The following MPPED1 variants were observed in gnomAD, a reference collection of about 807,000 sequenced individuals.
MPPED1 encodes metallophosphoesterase domain containing 1, also known as metallophosphoesterase domain-containing protein 1.
A neutral mutation model predicts 36.2 loss-of-function variants in MPPED1; 16 were observed. The observed-to-expected ratio is 0.44, with a 90% CI of 0.30 to 0.67. The LOEUF (loss-of-function observed/expected upper bound fraction) is 0.67. MPPED1 is among the 30% of genes least tolerant of loss of function. The pLI, the probability that MPPED1 is intolerant of heterozygous loss-of-function variation, is 0.10. For synonymous variants in MPPED1, 199 were observed against 191.3 expected (o/e 1.04, Z -0.33); for missense variants, 307 against 453.4 (o/e 0.68, Z 2.93).
chr22:43,500,188 TGATGGAGGTGGTAATGGAGGTGGTGGG>T lies in MPPED1; in HGVS notation c.748+1840_748+1866del, dbSNP rs1569091677. ...ATGGTGATGGAGGTGGTGGTGATGG[TGATGGAGGTGGTAATGGAGGTGGTGGG>T]GGTGATGGTGGAGGTGGTGATGGAG... On this transcript the variant is annotated intron_variant, in intron 5 of 6. Coordinates refer to ENST00000443721, the MANE Select transcript of MPPED1 (RefSeq NM_001044370.2). 3.8e-3 allele frequency among the ~76,000 whole-genome samples: 235 copies of T among 61,778 alleles called. 31 individuals are homozygous for T. The highest frequency in any genetic ancestry group is 0.02 in the African/African-American group (219 of 10,762). The allele number at this position is 61,778 out of a possible 152,430, so 40.5% of individuals were successfully genotyped here. A position where few individuals can be genotyped will look rare whatever the true frequency, so the allele number is the denominator to read the frequency against.
At chr22:43,481,074 C>A (rs141841892) in intron 4 of MPPED1, among the ~76,000 whole-genome samples, 7 of 152,142 alleles carry the variant, frequency 4.6e-5, no homozygotes, top group African/African-American at 1.7e-4. Context: ...CCACCTGCCT[C>A]GGCCTCCCAG....
At chr22:43,469,569 G>A (rs994803593) in intron 3 of MPPED1, among the ~76,000 whole-genome samples, 7 of 152,128 alleles carry the variant, frequency 4.6e-5, no homozygotes, top group Admixed American at 4.6e-4. Context: ...GACTCCTCCT[G>A]CCCACTCCGT....
chr22:43,421,431 T>G (rs1380399469), intron 1 of MPPED1, among the ~76,000 whole-genome samples: 1 of 152,248 alleles, frequency 6.6e-6, no homozygotes, highest in East Asian at 1.9e-4. Context: ...GTCCCTTTGG[T>G]GCAGAGCGGT....
intron 4 of MPPED1, among the ~76,000 whole-genome samples, chr22:43,491,112 C>CT (rs1256163781): frequency 3.3e-5 from 5 of 152,228 alleles, no homozygotes; most frequent in Middle Eastern, 3.4e-3. Context: ...GTTTTCTATT[C>CT]TTTTTTTAAA....
chr22:43,481,114 T>C (rs1931735568), intron 4 of MPPED1, among the ~76,000 whole-genome samples: 1 of 152,200 alleles, frequency 6.6e-6, no homozygotes, highest in African/African-American at 2.4e-5. Flanking sequence ...TGAGCCACCT[T>C]GCCTGGCCCT....
chr22:43,429,490 C>T (rs907033274), intron 2 of MPPED1, among the ~76,000 whole-genome samples: 2 of 152,232 alleles, frequency 1.3e-5, no homozygotes, highest in African/African-American at 4.8e-5. Context: ...CCTCTGATCC[C>T]AGCTTTTTGC....
intron 3 of MPPED1, among the ~76,000 whole-genome samples, chr22:43,471,454 C>G (rs778334749): frequency 2.0e-5 from 3 of 152,198 alleles, no homozygotes; most frequent in African/African-American, 7.2e-5. Context: ...ACCAGCGTCC[C>G]CCTCCACAGC....
In MPPED1 at chr22:43,478,086, A is replaced by G. The variant is rs564422012; in HGVS notation, c.632+3125A>G. ...CAATTACCCCATTTTACAGAAGGGC[A>G]GGTAGAGGTTCAGGCAGGGATGTGG... On this transcript the variant is annotated intron_variant, in intron 4 of 6. Coordinates refer to ENST00000443721, the MANE Select transcript of MPPED1 (RefSeq NM_001044370.2). 3.3e-4 allele frequency among the ~76,000 whole-genome samples: 50 copies of G among 152,376 alleles called. 1 individual carries two copies. Among genetic ancestry groups the G allele is most frequent in the African/African-American group, 1.2e-3 (49 of 41,594 alleles).
intron 2 of MPPED1, among the ~76,000 whole-genome samples, chr22:43,429,957 C>T (rs1307796886): frequency 6.6e-6 from 1 of 152,118 alleles, no homozygotes; most frequent in Non-Finnish European, 1.5e-5. Flanking sequence ...GGTACTGTGG[C>T]CAGGGTCCCC....
chr22:43,505,838 G>A lies in MPPED1; in HGVS notation c.*222G>A, dbSNP rs896700652. 5 of 535,510 alleles carry A rather than the reference G, an allele frequency of 9.3e-6. No individual in the cohort carries two copies. The highest frequency in any genetic ancestry group is 3.8e-5 in the African/African-American group (2 of 52,552). 33.2% of individuals were successfully genotyped at this position (535,510 alleles called of 1,614,324 possible). ...TTCTGTGCTCATTTACTTTTTCTGC[G>A]TGTACATCCTGCGTGTACCTCGTTA... On this transcript the variant is annotated 3_prime_UTR_variant, in exon 7 of 7. Coordinates refer to ENST00000443721, the MANE Select transcript of MPPED1 (RefSeq NM_001044370.2).
intron 3 of MPPED1, among the ~76,000 whole-genome samples, chr22:43,470,598 A>T (rs8137991): frequency 0.065 from 9,971 of 152,294 alleles, 681 homozygotes; most frequent in African/African-American, 0.17. Flanking sequence ...CCATGCATCC[A>T]TCCATCCACT....
chr22:43,493,981 A>G (rs1306424357), intron 4 of MPPED1, among the ~76,000 whole-genome samples: 1 of 152,132 alleles, frequency 6.6e-6, no homozygotes, highest in African/African-American at 2.4e-5. Context: ...GGCCTCTGCA[A>G]GATTGGTTCC....
Position 43,497,961 on chromosome 22 carries a change from C to CT in MPPED1, c.633-264dup, listed in dbSNP as rs745755958. 1.9e-4 allele frequency among the ~76,000 whole-genome samples: 25 copies of CT among 134,350 alleles called. 1 individual carries two copies. Among genetic ancestry groups the CT allele is most frequent in the South Asian group, 1.4e-3 (6 of 4,314 alleles). 88.1% of individuals were successfully genotyped at this position (134,350 alleles called of 152,430 possible). A position where few individuals can be genotyped will look rare whatever the true frequency, so the allele number is the denominator to read the frequency against. ...TATATATATATATGTATTTAGCTTT[C>CT]TTTTTTTTTTGGTTATGTAAATAAT... On this transcript the variant is annotated intron_variant, in intron 4 of 6. Transcript: ENST00000443721.
At chr22:43,445,184 C>T (rs1183068192) in intron 3 of MPPED1, among the ~76,000 whole-genome samples, 1 of 152,178 alleles carries the variant, frequency 6.6e-6, no homozygotes, top group East Asian at 1.9e-4. Context: ...TTCCTGTGCC[C>T]TCCTTATTTC....
At chr22:43,435,630 G>GTGGA (rs1418181197) in intron 3 of MPPED1, among the ~76,000 whole-genome samples, 4 of 152,202 alleles carry the variant, frequency 2.6e-5, no homozygotes, top group Admixed American at 2.6e-4. Context: ...GCTGAGGCTG[G>GTGGA]TGGATCACCT....
intron 3 of MPPED1, among the ~76,000 whole-genome samples, chr22:43,458,038 G>A (rs1445170812): frequency 6.6e-6 from 1 of 152,150 alleles, no homozygotes; most frequent in African/African-American, 2.4e-5. Context: ...TATTCAGTAC[G>A]ATAACATGCT....
intron 4 of MPPED1, among the ~76,000 whole-genome samples, chr22:43,477,756 T>C (rs1025328330): frequency 6.6e-6 from 1 of 152,172 alleles, no homozygotes; most frequent in African/African-American, 2.4e-5. Flanking sequence ...GCCAGTGAGG[T>C]CCCAGACAAG....
intron 2 of MPPED1, among the ~76,000 whole-genome samples, chr22:43,434,402 C>T (rs987393264): frequency 4.6e-5 from 7 of 152,218 alleles, no homozygotes; most frequent in Admixed American, 2.0e-4. Context: ...TGTCCTGCGA[C>T]GGCGGACGTG....
chr22:43,436,269 G>A (rs1368163118), intron 3 of MPPED1, among the ~76,000 whole-genome samples: 2 of 152,214 alleles, frequency 1.3e-5, no homozygotes, highest in African/African-American at 4.8e-5. Flanking sequence ...TGCCGTGGAG[G>A]CGTGGGTGCG....
Sources: gnomAD v4.1 joint callset for allele counts (sites outside exome capture counted in the v4.1 genomes callset) on GRCh38, gnomAD v4.1.1 for gene constraint, MANE v1.5 for transcripts, NCBI Gene and HGNC (gene_info 2026-07-23, HGNC 2026-07-21) for gene names.